The following FTCD variants were observed in gnomAD, a reference collection of about 807,000 sequenced individuals.
FTCD encodes formimidoyltransferase cyclodeaminase, also known as formimidoyltransferase-cyclodeaminase.
In FTCD, 76 loss-of-function variants were observed where a neutral mutation model predicts 62.9. The observed-to-expected ratio is 1.21, with a 90% confidence interval of 1.00 to 1.46. The LOEUF is 1.46. FTCD is among the 40% of genes most tolerant of loss of function. FTCD has a pLI of 0.00. For synonymous variants in FTCD, 397 were observed against 336.9 expected, an observed-to-expected ratio of 1.18 and a Z score of -1.95; for missense variants, 845 against 751.3, an observed-to-expected ratio of 1.12 and a Z score of -1.46.
chr21:46,155,470 C>T lies in FTCD; in HGVS notation c.54G>A (p.Glu18=), dbSNP rs200172430. 3 of 1,612,520 alleles carry T rather than the reference C, an allele frequency of 1.9e-6. No individual in the cohort carries two copies. The highest frequency in any genetic ancestry group is 2.7e-5 in the African/African-American group (2 of 75,058). The part of the protein sequence containing the change: ...VPNFSEGKNQ[E]VIDAISGAIT... ...GCTTGACCAGCTCCTCGGGCCTCAC[C>T]TCCTGGTTCTTCCCCTCCGAAAAGT... is the stretch of plus-strand genomic sequence containing the variant. Residue 18 remains glutamate, a splice_region_variant and synonymous_variant, in exon 1 of 14, where the codon GAG becomes GAA. Transcript: ENST00000397746.
At chr21:46,151,390 G>T (rs1332779372) in intron 5 of FTCD, among the ~76,000 whole-genome samples, 168 bp downstream of exon 5, 1 of 152,358 alleles carries the variant, frequency 6.6e-6, no homozygotes, top group South Asian at 2.1e-4. Flanking sequence ...CGACCTGCGC[G>T]GTCCCCGCAC....
At chr21:46,153,122 C>A in intron 2 of FTCD, 87 bp from the exon 3 acceptor site, 1 of 1,384,660 alleles carries the variant, frequency 7.2e-7, no homozygotes, top group Non-Finnish European at 9.7e-7. Flanking sequence ...CTGTCCTCTC[C>A]GGCCTGGGCA....
intron 10 of FTCD, among the ~76,000 whole-genome samples, chr21:46,139,367 C>T (rs1013114015): frequency 6.6e-5 from 10 of 152,186 alleles, no homozygotes; most frequent in African/African-American, 9.7e-5. Flanking sequence ...GTCCCTGCCC[C>T]GGTCACAGGC....
Position 46,137,300 on chromosome 21 carries a change from C to A in FTCD, c.1478G>T (p.Gly493Val). 1 of 1,613,848 alleles carries A rather than the reference C, an allele frequency of 6.2e-7. No individual in the cohort carries two copies. Among genetic ancestry groups the A allele is most frequent in the Non-Finnish European group, 8.5e-7 (1 of 1,179,978 alleles). The part of the protein sequence containing the change: ...AAKALEMGVF[G>V]AYFNVLINLR... ...GTTGATGAGCACGTTGAAATATGCG[C>A]CAAACACGCCCATCTCCAGGGCTTT... is the stretch of plus-strand genomic sequence containing the variant. The change falls in exon 13 of 14, where the codon GGC becomes GTC. Residue 493 changes from glycine (G) to valine (V), a missense_variant. By Grantham distance (109) the Gly-to-Val change is moderately radical (BLOSUM62 -3). Coordinates refer to ENST00000397746, the MANE Select transcript of FTCD (RefSeq NM_206965.2).
chr21:46,144,163 T>TG, intron 10 of FTCD, among the ~76,000 whole-genome samples: 2 of 152,002 alleles, frequency 1.3e-5, no homozygotes, highest in Admixed American at 1.3e-4. Flanking sequence ...CTCTTTACCC[T>TG]GCCTCTTTTG....
rs867433702 is a variant in FTCD at position 46,139,015 on chromosome 21, T to G, written c.1261-92A>C. The G allele has an allele frequency of 6.1e-6, 6 of 981,214 alleles. 1 individual carries two copies. The Middle Eastern group carries it at 1.2e-3, about 203-fold the overall frequency. The allele number at this position is 981,214 out of a possible 1,614,324, so 60.8% of individuals were successfully genotyped here. On this transcript the variant is annotated intron_variant, in intron 10 of 13. Coordinates refer to ENST00000397746, the MANE Select transcript of FTCD (RefSeq NM_206965.2). ...CCACAAGGGGCTGTAGCAAGGAGCA[T>G]GTCCCAGGCAGGGACCAGTTCTCTG...
intron 7 of FTCD, among the ~76,000 whole-genome samples, chr21:46,149,083 G>A (rs73161657): frequency 0.099 from 15,006 of 152,160 alleles, 839 homozygotes; most frequent in Non-Finnish European, 0.12. Context: ...CAAATAAATG[G>A]GGCAAAATGC....
Position 46,150,120 on chromosome 21 carries a change from A to AG in FTCD, c.904dup (p.Leu302ProfsTer17). On this transcript the variant is annotated frameshift_variant and splice_region_variant, in exon 7 of 14. Coordinates refer to ENST00000397746, the MANE Select transcript of FTCD (RefSeq NM_206965.2). LOFTEE classifies it high-confidence loss of function. Reference sequence around the variant, plus strand: ...CCCTTCCTCGGCAGCCCGGCCCACCAGCCTGATCCGCTGCTCCTCCTCCAG... The same window carrying AG: ...CCCTTCCTCGGCAGCCCGGCCCACCAGGCCTGATCCGCTGCTCCTCCTCCAG... The AG allele has an allele frequency of 7.1e-7, 1 of 1,409,610 alleles. No individual in the cohort carries two copies. The allele number at this position is 1,409,610 out of a possible 1,614,324, so 87.3% of individuals were successfully genotyped here. A position where few individuals can be genotyped will look rare whatever the true frequency, so the allele number is the denominator to read the frequency against.
At chr21:46,152,174 C>CCCCTGCCCACCCCCTCCTCAGAGGG (rs1189202190) in intron 3 of FTCD, 194 bp from the exon 4 acceptor site, 4 of 552,894 alleles carry the variant, frequency 7.2e-6, no homozygotes, top group Non-Finnish European at 1.3e-5. Flanking sequence ...TGGGCCAGCA[C>CCCCTGCCCACCCCCTCCTCAGAGGG]CCCTGCCCAC....
At chr21:46,149,138 C>T (rs992129621) in intron 7 of FTCD, among the ~76,000 whole-genome samples, 2 of 152,176 alleles carry the variant, frequency 1.3e-5, no homozygotes, top group African/African-American at 4.8e-5. Context: ...GGAGGGCCAC[C>T]TGTATCTTCT....
At chr21:46,143,314 GTC>G (rs1299266020) in intron 10 of FTCD, among the ~76,000 whole-genome samples, 3 of 146,682 alleles carry the variant, frequency 2.0e-5, no homozygotes, top group Admixed American at 6.9e-5. Flanking sequence ...GTCCCTCCCT[GTC>G]TCTCTCCCCA....
intron 7 of FTCD, chr21:46,146,604 GC>G (rs2079153680): frequency 1.8e-6 from 1 of 560,452 alleles, no homozygotes; most frequent in Non-Finnish European, 3.2e-6. Context: ...GAAAGGAGTT[GC>G]CCCCTGGGGA....
Position 46,154,160 on chromosome 21 carries a change from C to T in FTCD, c.227G>A (p.Ser76Asn), listed in dbSNP as rs1158463847. 18 of 1,612,840 alleles carry T rather than the reference C, an allele frequency of 1.1e-5. No individual in the cohort carries two copies. Among genetic ancestry groups the T allele is most frequent in the Non-Finnish European group, 1.5e-5 (18 of 1,179,972 alleles). ...CCCAGAGACCTCACCTTGGTGCCTG[C>T]TCATGTCGATAAGTCGGGAAGCTAC... ...ARVASRLIDM[S>N]RHQGEHPRMG... Residue 76 changes from serine (S) to asparagine (N), a missense_variant, in exon 2 of 14, where the codon AGC becomes AAC. Coordinates refer to ENST00000397746, the MANE Select transcript of FTCD (RefSeq NM_206965.2).
chr21:46,139,111 G>T (rs548227468), intron 10 of FTCD, 188 bp from the exon 11 acceptor site: 1 of 633,928 alleles, frequency 1.6e-6, no homozygotes, highest in Non-Finnish European at 2.9e-6. Flanking sequence ...GCAGGGTAGG[G>T]GGGGTCGGGG....
rs767969299 is a variant in FTCD at position 46,138,496 on chromosome 21, G to A, written c.1443+12C>T. 62 of 1,577,274 alleles carry A rather than the reference G, an allele frequency of 3.9e-5. No individual in the cohort carries two copies. In the East Asian group the frequency reaches 8.0e-4, roughly 20 times the overall value. ...TGCGGCAGGAGGCCTGGGGTCCCCC[G>A]GGCCCCCCTACCTGGAGGTCTGACC... On this transcript the variant is annotated intron_variant, in intron 12 of 13. Coordinates refer to ENST00000397746, the MANE Select transcript of FTCD (RefSeq NM_206965.2).
chr21:46,151,075 G>A (rs1480923533), intron 5 of FTCD, among the ~76,000 whole-genome samples: 1 of 152,222 alleles, frequency 6.6e-6, no homozygotes, highest in South Asian at 2.1e-4. Flanking sequence ...GAACAGATGG[G>A]CAGGTGGTCC....
At chr21:46,154,680 C>T (rs542623070) in intron 1 of FTCD, among the ~76,000 whole-genome samples, 38 of 152,310 alleles carry the variant, frequency 2.5e-4, no homozygotes, top group African/African-American at 9.1e-4. Flanking sequence ...GGGGCCGGGA[C>T]CCCCACCCCC....
At chr21:46,141,141 CAT>C (rs1276370932) in intron 10 of FTCD, among the ~76,000 whole-genome samples, 2 of 152,048 alleles carry the variant, frequency 1.3e-5, no homozygotes, top group African/African-American at 4.8e-5. Context: ...GTTTTATATA[CAT>C]ATGTTTACAT....
rs1345328240 is a variant in FTCD, at chr21:46,146,280, C to G, written c.954G>C (p.Lys318Asn). 29 of 1,604,210 alleles carry G rather than the reference C, an allele frequency of 1.8e-5. No individual in the cohort carries two copies. Among genetic ancestry groups the G allele is most frequent in the Non-Finnish European group, 2.3e-5 (27 of 1,175,190 alleles). ...GLDSLCPFSP[K>N]ERIIEYLVPE... ...CAGAGGCTCACTCGATGATCCGCTC[C>G]TTAGGGCTGAAGGGGCACAGGGAGT... Residue 318 changes from lysine to asparagine, a missense_variant, in exon 8 of 14, where the codon AAG becomes AAC. Transcript: ENST00000397746.
Sources: allele counts gnomAD v4.1 joint callset (sites outside exome capture counted in the v4.1 genomes callset), GRCh38; gene constraint gnomAD v4.1.1; transcripts MANE v1.5; gene names NCBI Gene and HGNC (gene_info 2026-07-23, HGNC 2026-07-21).